Variants in OPA1 observed in about 807,000 individuals in gnomAD.
OPA1 encodes OPA1 mitochondrial dynamin like GTPase.
Under a neutral mutation model 152.9 loss-of-function variants are expected in OPA1, and 59 were observed. The ratio of observed to expected loss-of-function variants is 0.39; its 90% CI spans 0.31 to 0.48. The LOEUF (loss-of-function observed/expected upper bound fraction) is 0.48, where lower values mean the gene tolerates loss of function less well. Ranked by LOEUF, OPA1 falls within the 20% of genes least tolerant of loss-of-function variation. OPA1 has a pLI of 0.96. For synonymous variants in OPA1, 400 were observed against 389.9 expected, an observed-to-expected ratio of 1.03 and a Z score of -0.31; for missense variants, 1,008 against 1,216.8, an observed-to-expected ratio of 0.83 and a Z score of 2.55.
At chr3:193,681,867 TCTC>T (rs1038799359) in intron 29 of OPA1, among the ~76,000 whole-genome samples, 7 of 126,828 alleles carry the variant, frequency 5.5e-5, no homozygotes, top group Non-Finnish European at 8.4e-5. Context: ...TCCCTGTCTC[TCTC>T]CTCCTCTTCA....
At chr3:193,693,310 A>G (rs896237326) in intron 30 of OPA1, among the ~76,000 whole-genome samples, 1 of 152,238 alleles carries the variant, frequency 6.6e-6, no homozygotes. Context: ...AAACTTGAAA[A>G]TAAAGCTTTG....
chr3:193,633,090 C>A (rs1212731795), intron 8 of OPA1, among the ~76,000 whole-genome samples: 1 of 125,054 alleles, frequency 8.0e-6, no homozygotes, highest in East Asian at 2.2e-4. Context: ...CTCACCTGTG[C>A]TCTGAGTGGC....
intron 29 of OPA1, among the ~76,000 whole-genome samples, chr3:193,669,509 A>G (rs954709707): frequency 6.6e-6 from 1 of 152,122 alleles, no homozygotes; most frequent in Non-Finnish European, 1.5e-5. Flanking sequence ...TTATTTGTAA[A>G]ATGACTATTA....
chr3:193,645,310 A>C (rs1047721097), intron 16 of OPA1, among the ~76,000 whole-genome samples: 27 of 152,184 alleles, frequency 1.8e-4, no homozygotes, highest in African/African-American at 6.5e-4. Context: ...GGTCTGTCTG[A>C]CTTTAAAGAA....
chr3:193,615,780 A>G lies in OPA1; in HGVS notation c.448+10A>G. On this transcript the variant is annotated intron_variant, in intron 3 of 30. Transcript: ENST00000361510. ...GAGTATATCGATTTTGGTTTGTATC[A>G]TGAACATTAAAATACTTTTTTTGGT... 2.0e-6 allele frequency: 3 copies of G among 1,506,496 alleles called. No individual in the cohort carries two copies. The highest frequency in any genetic ancestry group is 2.8e-6 in the Non-Finnish European group (3 of 1,081,958). The allele number at this position is 1,506,496 out of a possible 1,614,324, so 93.3% of individuals were successfully genotyped here.
rs1721044084 is a variant in OPA1, at chr3:193,687,211, A to G, written c.2984-4852A>G. ...TGAATGGGTGTCAAGTCAGCTGAAG[A>G]AAAGAAAAAAGAGAAGGAACTTCAT... is the stretch of plus-strand genomic sequence containing the variant. On this transcript the variant is annotated intron_variant, in intron 29 of 30. Coordinates refer to ENST00000361510, the MANE Select transcript of OPA1 (RefSeq NM_130837.3). 2.6e-5 allele frequency among the ~76,000 whole-genome samples: 4 copies of G among 152,362 alleles called. No homozygotes were observed. The South Asian group carries it at 8.3e-4, about 32-fold the overall frequency.
intron 1 of OPA1, among the ~76,000 whole-genome samples, chr3:193,613,144 C>A (rs181451836): frequency 1.1e-3 from 168 of 152,300 alleles, no homozygotes; most frequent in African/African-American, 3.8e-3. Context: ...AGGCAGCCTC[C>A]AGAATTGAAT....
chr3:193,634,271 G>A (rs1349512302), intron 8 of OPA1, among the ~76,000 whole-genome samples: 1 of 128,624 alleles, frequency 7.8e-6, no homozygotes, highest in East Asian at 2.2e-4. Context: ...GTGTAGACAA[G>A]CAACTACTTA....
intron 21 of OPA1, among the ~76,000 whole-genome samples, chr3:193,649,381 A>C (rs1216334489): frequency 6.6e-6 from 1 of 152,176 alleles, no homozygotes; most frequent in Admixed American, 6.5e-5. Context: ...ATCTTTTCTA[A>C]GGCAAACTGT....
At chr3:193,653,498 A>G (rs971344009) in intron 21 of OPA1, among the ~76,000 whole-genome samples, 7 of 152,088 alleles carry the variant, frequency 4.6e-5, no homozygotes, top group Non-Finnish European at 8.8e-5. Context: ...ATATTGTAGT[A>G]TTCTAAGTTT....
chr3:193,694,885 T>G lies in OPA1; in HGVS notation c.*285T>G, dbSNP rs1417174074. 1.3e-5 allele frequency: 2 copies of G among 152,208 alleles called. No individual in the cohort carries two copies. The highest frequency in any genetic ancestry group is 2.9e-5 in the Non-Finnish European group (2 of 68,024). 9.4% of individuals were successfully genotyped at this position (152,208 alleles called of 1,614,324 possible). On this transcript the variant is annotated 3_prime_UTR_variant, in exon 31 of 31. Transcript: ENST00000361510. ...GGTTCAGTCCTTGAAGATAAGAAACTTGTTCTCTGTTTGTTGTCTTATTTG... is the reference window on the plus strand; with the variant it reads ...GGTTCAGTCCTTGAAGATAAGAAACGTGTTCTCTGTTTGTTGTCTTATTTG...
chr3:193,637,376 ATATACATACT>A, intron 10 of OPA1, 95 bp downstream of exon 10: 5 of 699,400 alleles, frequency 7.1e-6, no homozygotes, highest in East Asian at 2.6e-5. Flanking sequence ...ACATACACAT[ATATACATACT>A]AGATGTAGGC....
intron 1 of OPA1, among the ~76,000 whole-genome samples, chr3:193,597,931 T>C (rs560707019): frequency 6.6e-6 from 1 of 151,828 alleles, no homozygotes; most frequent in African/African-American, 2.4e-5. Flanking sequence ...CAAAAAAAAT[T>C]AACTGGGCAT....
At chr3:193,686,449 A>T (rs1232981613) in intron 29 of OPA1, among the ~76,000 whole-genome samples, 1 of 152,212 alleles carries the variant, frequency 6.6e-6, no homozygotes, top group Non-Finnish European at 1.5e-5. Context: ...TACAGAACTA[A>T]GATGCAGAAG....
At chr3:193,681,933 C>T (rs886064295) in intron 29 of OPA1, among the ~76,000 whole-genome samples, 4 of 152,154 alleles carry the variant, frequency 2.6e-5, no homozygotes, top group African/African-American at 9.7e-5. Flanking sequence ...CAGCTAATAA[C>T]CCTACAATGG....
At chr3:193,691,759 TC>T (rs1434100246) in intron 29 of OPA1, 2 of 197,716 alleles carry the variant, frequency 1.0e-5, no homozygotes, top group African/African-American at 4.7e-5. Context: ...ATCTGAGAAT[TC>T]CTTAAAATTC....
At chr3:193,682,449 A>T (rs973498444) in intron 29 of OPA1, among the ~76,000 whole-genome samples, 3 of 152,334 alleles carry the variant, frequency 2.0e-5, no homozygotes, top group Non-Finnish European at 4.4e-5. Flanking sequence ...CAGATTCTTG[A>T]TGCAGATGAA....
chr3:193,688,444 CTTTTCTTTTTTTTTT>C (rs1721222056), intron 29 of OPA1, among the ~76,000 whole-genome samples: 16 of 38,516 alleles, frequency 4.2e-4, no homozygotes, highest in Admixed American at 7.3e-4. Context: ...TGAAATGGGT[CTTTTCTTTTTTTTTT>C]TTTTTTTTTT....
At chr3:193,634,410 A>G (rs905574928) in intron 8 of OPA1, among the ~76,000 whole-genome samples, 2 of 151,502 alleles carry the variant, frequency 1.3e-5, no homozygotes, top group Non-Finnish European at 2.9e-5. Context: ...TTCCTTCTCA[A>G]TTAAATTTGG....
Sources: allele counts gnomAD v4.1 joint callset (sites outside exome capture counted in the v4.1 genomes callset), GRCh38; gene constraint gnomAD v4.1.1; transcripts MANE v1.5; gene names NCBI Gene and HGNC (gene_info 2026-07-23, HGNC 2026-07-21).